The following CERS6 variants were observed in gnomAD, a reference collection of about 807,000 sequenced individuals.
CERS6 encodes the protein LAG1 homolog, ceramide synthase 6.
A neutral mutation model predicts 56.8 loss-of-function variants in CERS6; 26 were observed. The ratio of observed to expected loss-of-function variants is 0.46; its 90% CI spans 0.34 to 0.63. The LOEUF (loss-of-function observed/expected upper bound fraction) is 0.63. CERS6 is among the 30% of genes least tolerant of loss of function. The pLI, the probability that CERS6 is intolerant of heterozygous loss-of-function variation, is 0.01. For synonymous variants in CERS6, 164 were observed against 173.3 expected, an observed-to-expected ratio of 0.95 and a Z score of 0.42; for missense variants, 415 against 467.5, an observed-to-expected ratio of 0.89 and a Z score of 1.04.
intron 6 of CERS6, among the ~76,000 whole-genome samples, chr2:168,706,966 G>A (rs543714743): frequency 5.3e-5 from 8 of 152,186 alleles, no homozygotes; most frequent in Admixed American, 1.3e-4. Flanking sequence ...ACAAATGGGC[G>A]TGGCTGTATT....
At chr2:168,579,957 C>A (rs1471628071) in intron 3 of CERS6, among the ~76,000 whole-genome samples, 1 of 152,168 alleles carries the variant, frequency 6.6e-6, no homozygotes, top group Non-Finnish European at 1.5e-5. Context: ...ATCCATAGTC[C>A]CCTTGATAAT....
intron 1 of CERS6, among the ~76,000 whole-genome samples, chr2:168,516,753 C>G (rs960278669): frequency 3.3e-5 from 5 of 152,184 alleles, no homozygotes; most frequent in East Asian, 1.9e-4. Context: ...GGACTGAAAA[C>G]CAAACCCGCC....
chr2:168,596,701 G>A (rs1040164483), intron 3 of CERS6, among the ~76,000 whole-genome samples: 6 of 151,752 alleles, frequency 4.0e-5, no homozygotes, highest in African/African-American at 1.5e-4. Context: ...TTACAGGTGC[G>A]TGCCACCATA....
intron 1 of CERS6, among the ~76,000 whole-genome samples, chr2:168,463,415 G>A (rs932484423): frequency 1.3e-5 from 2 of 152,036 alleles, no homozygotes; most frequent in Non-Finnish European, 1.5e-5. Context: ...GTTTTTGTTC[G>A]ATATTTAGGC....
intron 1 of CERS6, among the ~76,000 whole-genome samples, chr2:168,472,373 T>G (rs1206180162): frequency 6.6e-6 from 1 of 152,142 alleles, no homozygotes; most frequent in Non-Finnish European, 1.5e-5. Flanking sequence ...GTTTGCAGTA[T>G]GAAGAGGAAA....
chr2:168,606,909 A>G (rs528938816), intron 3 of CERS6, among the ~76,000 whole-genome samples: 1 of 152,186 alleles, frequency 6.6e-6, no homozygotes, highest in African/African-American at 2.4e-5. Flanking sequence ...TGCTCTGGCC[A>G]TGTAAGATGT....
intron 1 of CERS6, among the ~76,000 whole-genome samples, chr2:168,527,670 C>T (rs1695094359): frequency 6.6e-6 from 1 of 152,108 alleles, no homozygotes; most frequent in Admixed American, 6.6e-5. Context: ...CTTCCCATGG[C>T]AGAAGAACAG....
intron 1 of CERS6, among the ~76,000 whole-genome samples, chr2:168,526,858 A>G (rs1695081002): frequency 1.3e-5 from 2 of 152,232 alleles, no homozygotes; most frequent in Non-Finnish European, 1.5e-5. Context: ...GCAGCCTTCA[A>G]CAAATTCTGT....
chr2:168,552,659 A>C (rs374794617), intron 2 of CERS6, among the ~76,000 whole-genome samples: 1 of 152,186 alleles, frequency 6.6e-6, no homozygotes, highest in Non-Finnish European at 1.5e-5. Flanking sequence ...GTGCAGGAAC[A>C]GGTGAGCCAG....
At chr2:168,469,654 TA>T (rs995876583) in intron 1 of CERS6, among the ~76,000 whole-genome samples, 1 of 151,870 alleles carries the variant, frequency 6.6e-6, no homozygotes, top group South Asian at 2.1e-4. Context: ...TGTAGAGAAT[TA>T]AAAAAAATTG....
chr2:168,759,982 A>G (rs538517387), intron 8 of CERS6, among the ~76,000 whole-genome samples: 11 of 152,046 alleles, frequency 7.2e-5, no homozygotes, highest in Non-Finnish European at 1.5e-4. Context: ...CCTATATACA[A>G]TATAGTGCAA....
chr2:168,706,858 C>T (rs1185330812), intron 6 of CERS6, among the ~76,000 whole-genome samples: 1 of 152,128 alleles, frequency 6.6e-6, no homozygotes. Context: ...TGTAAAGGAC[C>T]AGGTAATAAA....
At position 168,765,678 on chromosome 2, in the gene CERS6, T is replaced by G; in HGVS notation, c.932T>G (p.Val311Gly). Residue 311 changes from valine (V) to glycine (G), a missense_variant, in exon 9 of 10, where the codon GTA (valine) becomes GGA (glycine). By Grantham distance (109) the Val-to-Gly change is moderately radical (BLOSUM62 -3). Transcript: ENST00000305747. ...WWVFNLLLLLVQGLNCFWSYL... is the reference protein window; with the variant it reads ...WWVFNLLLLLGQGLNCFWSYL... ...GTTTTTAACCTACTGCTATTGCTAGTACAAGGGTTGAACTGCTTCTGGTCT... is the reference window on the plus strand; with the variant it reads ...GTTTTTAACCTACTGCTATTGCTAGGACAAGGGTTGAACTGCTTCTGGTCT... 6.2e-7 allele frequency: 1 copy of G among 1,614,150 alleles called. No homozygotes were observed. Among genetic ancestry groups the G allele is most frequent in the Non-Finnish European group, 8.5e-7 (1 of 1,179,972 alleles).
intron 3 of CERS6, among the ~76,000 whole-genome samples, chr2:168,565,699 T>C (rs1469364543): frequency 6.6e-6 from 1 of 152,242 alleles, no homozygotes; most frequent in Non-Finnish European, 1.5e-5. Context: ...GTAGAAGCTG[T>C]TTAGCGAGTA....
chr2:168,633,162 CT>C (rs569052274), intron 4 of CERS6, among the ~76,000 whole-genome samples: 392 of 138,804 alleles, frequency 2.8e-3, no homozygotes, highest in African/African-American at 8.3e-3. Flanking sequence ...ATAACAAATG[CT>C]TTTTTTTTTT....
chr2:168,608,559 C>CA (rs1684109724), intron 3 of CERS6, among the ~76,000 whole-genome samples: 1 of 152,158 alleles, frequency 6.6e-6, no homozygotes. Flanking sequence ...ATTATCTCTT[C>CA]AATTATAGCC....
intron 4 of CERS6, among the ~76,000 whole-genome samples, chr2:168,650,249 A>G (rs1685311229): frequency 6.6e-6 from 1 of 152,154 alleles, no homozygotes; most frequent in African/African-American, 2.4e-5. Flanking sequence ...TTTCTTGCAG[A>G]CACTGGAGTT....
At chr2:168,625,424 TGTG>T (rs1189928911) in intron 3 of CERS6, among the ~76,000 whole-genome samples, 3 of 152,194 alleles carry the variant, frequency 2.0e-5, no homozygotes, top group Non-Finnish European at 4.4e-5. Flanking sequence ...TTCGATCTAT[TGTG>T]GTGTAAATAT....
chr2:168,596,638 C>G (rs930804244), intron 3 of CERS6, among the ~76,000 whole-genome samples: 2 of 139,664 alleles, frequency 1.4e-5, no homozygotes, highest in Admixed American at 7.4e-5. Context: ...ACTGTAACTT[C>G]CACCTCCCTG....
Sources: gnomAD v4.1 joint callset for allele counts (sites outside exome capture counted in the v4.1 genomes callset) on GRCh38, gnomAD v4.1.1 for gene constraint, MANE v1.5 for transcripts, NCBI Gene and HGNC (gene_info 2026-07-23, HGNC 2026-07-21) for gene names.